SYT1: variants seen among roughly 807,000 people sequenced by gnomAD.
SYT1 encodes the protein synaptotagmin 1.
SYT1 carries 8 observed loss-of-function variants against 44.8 expected under a neutral mutation model. That is an observed-to-expected ratio of 0.18 (90% CI 0.10 to 0.32). The LOEUF is 0.32. SYT1 is among the 10% of genes least tolerant of loss of function. The pLI is 1.00. For synonymous variants in SYT1, 154 were observed against 188.8 expected, an observed-to-expected ratio of 0.82 and a Z score of 1.51; for missense variants, 286 against 509.3, an observed-to-expected ratio of 0.56 and a Z score of 4.22.
rs574849963 is a variant in SYT1 at position 79,332,004 on chromosome 12, G to A, written c.811-21498G>A. Among the ~76,000 whole-genome samples the A allele has an allele frequency of 5.3e-5, 8 of 152,166 alleles. No individual in the cohort carries two copies. In the East Asian group the frequency reaches 5.8e-4, roughly 11 times the overall value. Reference sequence around the variant, plus strand: ...ATCACAAATAAGGAGGAAAATTGTCGTAGTTTAGAATGCCTAAAGTTACAA... The same window carrying A: ...ATCACAAATAAGGAGGAAAATTGTCATAGTTTAGAATGCCTAAAGTTACAA... On this transcript the variant is annotated intron_variant, in intron 8 of 10. Transcript: ENST00000261205.
rs140634482 is a variant in SYT1, at chr12:79,244,010, T to C, written c.166+26325T>C. ...AAGCATAATCCTGTATACTCTATCA[T>C]AAAGTAAAAGAAAGTTGTTATATAT... is the stretch of plus-strand genomic sequence containing the variant. On this transcript the variant is annotated intron_variant, in intron 4 of 10. Transcript: ENST00000261205. Among the ~76,000 whole-genome samples, 193 of 152,278 alleles carry C rather than the reference T, an allele frequency of 1.3e-3. 2 individuals carry two copies. In the East Asian group the frequency reaches 0.032, roughly 25 times the overall value.
intron 1 of SYT1, among the ~76,000 whole-genome samples, chr12:78,898,110 A>G (rs529968288): frequency 5.5e-4 from 83 of 152,156 alleles, no homozygotes; most frequent in African/African-American, 2.0e-3. Context: ...CTGAATTCAG[A>G]TATTTGCCCT....
At chr12:79,435,301 A>G (rs1418436301) in intron 9 of SYT1, among the ~76,000 whole-genome samples, 1 of 152,134 alleles carries the variant, frequency 6.6e-6, no homozygotes, top group Non-Finnish European at 1.5e-5. Context: ...ACTGAAAAAG[A>G]TAAAATTTCC....
intron 4 of SYT1, among the ~76,000 whole-genome samples, chr12:79,256,308 A>G (rs1284627729): frequency 3.9e-5 from 6 of 152,256 alleles, no homozygotes; most frequent in East Asian, 3.8e-4. Flanking sequence ...GAATATTGCA[A>G]TGCAAACCCA....
chr12:79,158,168 A>G (rs1870717070), intron 3 of SYT1, among the ~76,000 whole-genome samples: 1 of 152,118 alleles, frequency 6.6e-6, no homozygotes, highest in Non-Finnish European at 1.5e-5. Context: ...TGTACAAGTA[A>G]CTACATAACT....
intron 3 of SYT1, among the ~76,000 whole-genome samples, chr12:79,105,721 A>G (rs1020053106): frequency 6.6e-6 from 1 of 152,108 alleles, no homozygotes; most frequent in Non-Finnish European, 1.5e-5. Flanking sequence ...TCTACTAAAA[A>G]TACAAAAAAT....
At chr12:78,906,287 A>G (rs1875975569) in intron 1 of SYT1, among the ~76,000 whole-genome samples, 1 of 152,116 alleles carries the variant, frequency 6.6e-6, no homozygotes, top group Admixed American at 6.6e-5. Context: ...AAAAAGTAGG[A>G]AGATGTTCTG....
intron 4 of SYT1, among the ~76,000 whole-genome samples, chr12:79,267,074 T>C (rs552495394): frequency 3.9e-5 from 6 of 152,182 alleles, no homozygotes; most frequent in Non-Finnish European, 8.8e-5. Flanking sequence ...CCTCACTTGT[T>C]TCTAGAATCT....
intron 9 of SYT1, among the ~76,000 whole-genome samples, chr12:79,422,870 C>G (rs1268841826): frequency 6.6e-6 from 1 of 152,062 alleles, no homozygotes; most frequent in Non-Finnish European, 1.5e-5. Flanking sequence ...GCTGTGTGAA[C>G]AAATGAGACG....
chr12:79,051,455 C>A lies in SYT1; in HGVS notation c.-18+4093C>A, dbSNP rs186032279. On this transcript the variant is annotated intron_variant, in intron 3 of 10. Transcript: ENST00000261205. ...GAGGTAATCTGAGTCTTGGCTTAAT[C>A]CATCTCCACCTAATATTTATTAATG... Among the ~76,000 whole-genome samples, 721 of 150,686 alleles carry A rather than the reference C, an allele frequency of 4.8e-3. 7 individuals are homozygous for A. The highest frequency in any genetic ancestry group is 0.017 in the African/African-American group (686 of 41,204).
Position 79,247,744 on chromosome 12 carries a change from A to G in SYT1, c.166+30059A>G, listed in dbSNP as rs181213214. Among the ~76,000 whole-genome samples the G allele has an allele frequency of 1.1e-3, 162 of 152,258 alleles. 1 individual carries two copies. The highest frequency in any genetic ancestry group is 3.5e-3 in the Admixed American group (53 of 15,298). ...CAATAGATGCTTTCAGCACACAAAC[A>G]TAGATACTCAAAAGGCTCACAGTTA... On this transcript the variant is annotated intron_variant, in intron 4 of 10. Transcript: ENST00000261205.
intron 2 of SYT1, among the ~76,000 whole-genome samples, chr12:79,035,446 G>A (rs1001624702): frequency 2.0e-5 from 3 of 151,660 alleles, no homozygotes; most frequent in Non-Finnish European, 4.4e-5. Context: ...TCCTTTTTAT[G>A]AAGCCAACAA....
chr12:79,033,612 A>G (rs1324681205), intron 2 of SYT1, among the ~76,000 whole-genome samples: 1 of 151,320 alleles, frequency 6.6e-6, no homozygotes, highest in Non-Finnish European at 1.5e-5. Context: ...CATCCATTGA[A>G]GGGGGATCTA....
chr12:79,307,392 C>T (rs59597387), intron 8 of SYT1, among the ~76,000 whole-genome samples: 1,617 of 152,268 alleles, frequency 0.011, 31 homozygotes, highest in African/African-American at 0.037. Context: ...CATTCTTTCA[C>T]TGATTTCATC....
At chr12:79,248,814 T>G (rs1245260207) in intron 4 of SYT1, among the ~76,000 whole-genome samples, 1 of 152,222 alleles carries the variant, frequency 6.6e-6, no homozygotes, top group Non-Finnish European at 1.5e-5. Flanking sequence ...GAGTTAGCCC[T>G]GCAAAGGAGG....
chr12:79,166,018 AAGG>A (rs1166625226), intron 3 of SYT1, among the ~76,000 whole-genome samples: 2 of 152,152 alleles, frequency 1.3e-5, no homozygotes, highest in Admixed American at 6.6e-5. Context: ...TCAAATGGAA[AAGG>A]CAAACCAAAG....
At position 78,989,260 on chromosome 12, in the gene SYT1, G is replaced by A. The variant is rs141625932; in HGVS notation, c.-84+11329G>A. ...GGCTGGACCTCAGGGAAAAAGACTGGAATGAAGATATCAAATTAGGATTTG... is the reference window on the plus strand; with the variant it reads ...GGCTGGACCTCAGGGAAAAAGACTGAAATGAAGATATCAAATTAGGATTTG... On this transcript the variant is annotated intron_variant, in intron 2 of 10. Transcript: ENST00000261205. Among the ~76,000 whole-genome samples the A allele has an allele frequency of 4.5e-3, 684 of 152,072 alleles. 5 individuals carry two copies. Among genetic ancestry groups the A allele is most frequent in the African/African-American group, 0.015 (635 of 41,512 alleles).
chr12:79,031,769 A>T (rs1480157508), intron 2 of SYT1, among the ~76,000 whole-genome samples: 2 of 151,106 alleles, frequency 1.3e-5, no homozygotes, highest in African/African-American at 2.4e-5. Flanking sequence ...AGAATAAGAT[A>T]TAATAATATT....
intron 3 of SYT1, among the ~76,000 whole-genome samples, chr12:79,148,892 T>C (rs1454453539): frequency 6.6e-6 from 1 of 152,158 alleles, no homozygotes; most frequent in Non-Finnish European, 1.5e-5. Context: ...TCATGAGGAT[T>C]TTTGACCTTT....
Sources: gnomAD v4.1 joint callset for allele counts (sites outside exome capture counted in the v4.1 genomes callset) on GRCh38, gnomAD v4.1.1 for gene constraint, MANE v1.5 for transcripts, NCBI Gene and HGNC (gene_info 2026-07-23, HGNC 2026-07-21) for gene names.